Variants in PAK5 observed in about 807,000 individuals in gnomAD.
The protein encoded by PAK5 is p21 (RAC1) activated kinase 5.
A neutral mutation model predicts 65.9 loss-of-function variants in PAK5; 16 were observed. That is an observed-to-expected ratio of 0.24 (90% CI 0.16 to 0.37). The LOEUF is 0.37. Ranked by LOEUF, PAK5 falls within the 10% of genes least tolerant of loss-of-function variation. PAK5 has a pLI of 1.00. For missense variants in PAK5, 785 were observed against 903.9 expected (o/e 0.87, Z 1.69); for synonymous variants, 371 against 354.9 (o/e 1.05, Z -0.51).
In PAK5 at chr20:9,815,147, G is replaced by T. The variant is rs140019117; in HGVS notation, c.-162+23615C>A. Among the ~76,000 whole-genome samples, 806 of 152,248 alleles carry T rather than the reference G, an allele frequency of 5.3e-3. 3 individuals are homozygous for T. Among genetic ancestry groups the T allele is most frequent in the Non-Finnish European group, 8.5e-3 (576 of 68,030 alleles). ...GAATTCACTCTCTCCTTCGAGAATGGCACCAAAAAATTCATGAAGGATCCG... is the reference window on the plus strand; with the variant it reads ...GAATTCACTCTCTCCTTCGAGAATGTCACCAAAAAATTCATGAAGGATCCG... On this transcript the variant is annotated intron_variant, in intron 1 of 9. Transcript: ENST00000353224.
chr20:9,696,238 T>C (rs1313808032), intron 2 of PAK5, among the ~76,000 whole-genome samples: 1 of 152,094 alleles, frequency 6.6e-6, no homozygotes, highest in Non-Finnish European at 1.5e-5. Flanking sequence ...ACAGTGGTTC[T>C]CAAGGTGCAA....
intron 2 of PAK5, among the ~76,000 whole-genome samples, chr20:9,709,377 A>G (rs2048049528): frequency 6.6e-6 from 1 of 152,168 alleles, no homozygotes; most frequent in Non-Finnish European, 1.5e-5. Context: ...AGTGATTTAT[A>G]AGGTGCTGTG....
At chr20:9,678,193 G>A (rs1301091192) in intron 2 of PAK5, among the ~76,000 whole-genome samples, 2 of 152,116 alleles carry the variant, frequency 1.3e-5, no homozygotes, top group Admixed American at 6.5e-5. Context: ...TTATTTCTGT[G>A]GGAAATTGTG....
At chr20:9,581,427 G>T (rs2045978967) in intron 3 of PAK5, among the ~76,000 whole-genome samples, 1 of 152,084 alleles carries the variant, frequency 6.6e-6, no homozygotes, top group South Asian at 2.1e-4. Context: ...CTAGAAATGG[G>T]TGTACATTTT....
At chr20:9,589,121 C>T (rs766631839) in intron 3 of PAK5, among the ~76,000 whole-genome samples, 3 of 152,200 alleles carry the variant, frequency 2.0e-5, no homozygotes, top group Admixed American at 6.5e-5. Flanking sequence ...GTGCCTCAAA[C>T]GTGTTTCATT....
At chr20:9,788,802 A>G (rs1008282844) in intron 1 of PAK5, among the ~76,000 whole-genome samples, 1 of 152,080 alleles carries the variant, frequency 6.6e-6, no homozygotes, top group East Asian at 1.9e-4. Flanking sequence ...CTAGAGTTTT[A>G]CCCCCACCTC....
At chr20:9,802,333 A>G (rs867744682) in intron 1 of PAK5, among the ~76,000 whole-genome samples, 26 of 152,120 alleles carry the variant, frequency 1.7e-4, no homozygotes, top group Admixed American at 5.9e-4. Flanking sequence ...TGGTCATTGC[A>G]GTGATTGGAA....
At chr20:9,832,064 A>G (rs1253719559) in intron 1 of PAK5, among the ~76,000 whole-genome samples, 1 of 151,980 alleles carries the variant, frequency 6.6e-6, no homozygotes, top group Non-Finnish European at 1.5e-5. Flanking sequence ...ATACCTATAT[A>G]ATAGTCTGTT....
At chr20:9,607,905 G>T (rs2046484804) in intron 3 of PAK5, among the ~76,000 whole-genome samples, 1 of 152,218 alleles carries the variant, frequency 6.6e-6, no homozygotes, top group Non-Finnish European at 1.5e-5. Context: ...GATTTAGACT[G>T]CTTTAACAGA....
At chr20:9,837,602 A>G (rs1356665646) in intron 1 of PAK5, among the ~76,000 whole-genome samples, 1 of 152,208 alleles carries the variant, frequency 6.6e-6, no homozygotes, top group Non-Finnish European at 1.5e-5. Context: ...ATTCTAGTGT[A>G]GGAGGGACTT....
intron 3 of PAK5, among the ~76,000 whole-genome samples, chr20:9,630,996 C>T (rs1303364320): frequency 6.6e-6 from 1 of 152,162 alleles, no homozygotes; most frequent in Non-Finnish European, 1.5e-5. Flanking sequence ...TGTGCCCCAA[C>T]AGCTGTATTT....
intron 1 of PAK5, among the ~76,000 whole-genome samples, chr20:9,832,685 A>G (rs1759639244): frequency 6.6e-6 from 1 of 152,180 alleles, no homozygotes; most frequent in South Asian, 2.1e-4. Flanking sequence ...GCCAGTATTA[A>G]GTTTATTTTT....
intron 3 of PAK5, among the ~76,000 whole-genome samples, chr20:9,627,044 G>A (rs2046854358): frequency 6.6e-6 from 1 of 152,156 alleles, no homozygotes. Context: ...AATACTCAGT[G>A]CTCTCAAGTG....
chr20:9,715,106 G>A (rs1365683887), intron 1 of PAK5, among the ~76,000 whole-genome samples: 5 of 152,096 alleles, frequency 3.3e-5, no homozygotes, highest in African/African-American at 7.2e-5. Flanking sequence ...GAGTGAACAG[G>A]CAACCTACAG....
intron 1 of PAK5, among the ~76,000 whole-genome samples, chr20:9,808,421 T>A (rs534802489): frequency 1.1e-4 from 16 of 152,186 alleles, no homozygotes; most frequent in Non-Finnish European, 2.2e-4. Flanking sequence ...TGAAAATGTA[T>A]GTTCACACAC....
intron 2 of PAK5, among the ~76,000 whole-genome samples, chr20:9,647,656 A>G (rs2047151188): frequency 6.6e-6 from 1 of 152,218 alleles, no homozygotes; most frequent in African/African-American, 2.4e-5. Flanking sequence ...CAGCTGAATT[A>G]ATCTACCTAC....
chr20:9,780,946 C>T (rs1423118390), intron 1 of PAK5, among the ~76,000 whole-genome samples: 3 of 151,996 alleles, frequency 2.0e-5, no homozygotes, highest in Admixed American at 6.6e-5. Context: ...GATTATTTTT[C>T]CTTTACTGAC....
intron 1 of PAK5, among the ~76,000 whole-genome samples, chr20:9,718,346 C>T (rs898899447): frequency 2.6e-5 from 4 of 152,110 alleles, no homozygotes; most frequent in African/African-American, 9.7e-5. Context: ...AACTTAGAGA[C>T]TGGAAGGGTT....
intron 1 of PAK5, among the ~76,000 whole-genome samples, chr20:9,833,877 T>A (rs2123792996): frequency 6.6e-6 from 1 of 152,296 alleles, no homozygotes; most frequent in Admixed American, 6.5e-5. Flanking sequence ...TATTCACGAG[T>A]ATTTTATGTA....
Sources: gnomAD v4.1 joint callset for allele counts (sites outside exome capture counted in the v4.1 genomes callset) on GRCh38, gnomAD v4.1.1 for gene constraint, MANE v1.5 for transcripts, NCBI Gene and HGNC (gene_info 2026-07-23, HGNC 2026-07-21) for gene names.